Variants in CHN2 observed in about 807,000 individuals in gnomAD.
The protein encoded by CHN2 is beta-chimaerin.
Under a neutral mutation model 56.3 loss-of-function variants are expected in CHN2, and 35 were observed. The observed-to-expected ratio is 0.62, with a 90% CI of 0.47 to 0.82. The LOEUF (loss-of-function observed/expected upper bound fraction) is 0.82, where lower values mean the gene tolerates loss of function less well. CHN2 is among the 40% of genes least tolerant of loss of function. CHN2 has a pLI of 0.00. For missense variants in CHN2, 491 were observed against 580.5 expected (o/e 0.85, Z 1.58); for synonymous variants, 210 against 212.8 (o/e 0.99, Z 0.12).
rs142934090 is a variant in CHN2, at chr7:29,456,214, G to A, written c.577-24065G>A. On this transcript the variant is annotated intron_variant, in intron 6 of 12. Transcript: ENST00000222792. Reference sequence around the variant, plus strand: ...GTACCTCCCATCTGCTCCTCTGAACGTATTGCTTCTTTCACCCTGCCCCTG... The same window carrying A: ...GTACCTCCCATCTGCTCCTCTGAACATATTGCTTCTTTCACCCTGCCCCTG... Among the ~76,000 whole-genome samples, 23 of 152,192 alleles carry A rather than the reference G, an allele frequency of 1.5e-4. No individual in the cohort carries two copies. The East Asian group carries it at 2.7e-3, about 18-fold the overall frequency.
chr7:29,283,763 C>T (rs981717087), intron 1 of CHN2, among the ~76,000 whole-genome samples: 2 of 151,498 alleles, frequency 1.3e-5, no homozygotes, highest in South Asian at 4.2e-4. Context: ...AGACTAAAGG[C>T]ATGCACCACC....
At chr7:29,460,924 G>C (rs1464399156) in intron 6 of CHN2, among the ~76,000 whole-genome samples, 1 of 152,220 alleles carries the variant, frequency 6.6e-6, no homozygotes, top group East Asian at 1.9e-4. Context: ...TGTAAGATGA[G>C]AGGGTTGCTT....
chr7:29,452,393 G>A (rs1230327920), intron 6 of CHN2, among the ~76,000 whole-genome samples: 2 of 152,154 alleles, frequency 1.3e-5, no homozygotes. Flanking sequence ...AGGCAGAGCC[G>A]GCACCTGAGA....
intron 2 of CHN2, among the ~76,000 whole-genome samples, chr7:29,182,731 G>A (rs1798215582): frequency 6.6e-6 from 1 of 152,220 alleles, no homozygotes; most frequent in South Asian, 2.1e-4. Flanking sequence ...AAGAGGGTCT[G>A]AAGCATTAAG....
At chr7:29,428,196 G>A (rs769961971) in intron 6 of CHN2, among the ~76,000 whole-genome samples, 1 of 152,178 alleles carries the variant, frequency 6.6e-6, no homozygotes, top group Non-Finnish European at 1.5e-5. Context: ...TGGCAGGATT[G>A]TTGAGAGGAG....
intron 1 of CHN2, among the ~76,000 whole-genome samples, chr7:29,331,161 A>G (rs769061332): frequency 6.6e-6 from 1 of 152,226 alleles, no homozygotes; most frequent in African/African-American, 2.4e-5. Context: ...AGCCTTTGCT[A>G]TGGTCTAGGG....
At chr7:29,209,327 G>A (rs1303504595) in intron 1 of CHN2, among the ~76,000 whole-genome samples, 2 of 152,062 alleles carry the variant, frequency 1.3e-5, no homozygotes, top group Non-Finnish European at 2.9e-5. Flanking sequence ...AAGACGCATG[G>A]CCTCTCATAG....
chr7:29,240,540 T>C (rs541650535), intron 1 of CHN2, among the ~76,000 whole-genome samples: 38 of 152,344 alleles, frequency 2.5e-4, no homozygotes, highest in African/African-American at 8.4e-4. Context: ...ATTGAATACC[T>C]GCTAGGGACC....
chr7:29,413,506 C>T (rs927663915), intron 6 of CHN2, among the ~76,000 whole-genome samples: 1 of 152,214 alleles, frequency 6.6e-6, no homozygotes, highest in African/African-American at 2.4e-5. Context: ...GTTACAATTA[C>T]TCCCCCTAGA....
At chr7:29,174,374 C>G (rs998290373) in intron 2 of CHN2, among the ~76,000 whole-genome samples, 1 of 152,116 alleles carries the variant, frequency 6.6e-6, no homozygotes, top group Non-Finnish European at 1.5e-5. Context: ...TGAGGAGAGA[C>G]AGTAAAGCTT....
chr7:29,151,462 G>T lies in CHN2; in HGVS notation c.274+4502G>T, dbSNP rs75842252. Among the ~76,000 whole-genome samples, 654 of 152,278 alleles carry T rather than the reference G, an allele frequency of 4.3e-3. 6 individuals are homozygous for T. The highest frequency in any genetic ancestry group is 0.015 in the African/African-American group (615 of 41,566). On this transcript the variant is annotated intron_variant, in intron 2 of 6. Transcript: ENST00000439384. Reference sequence around the variant, plus strand: ...GCAAATAAGACTTCGGTGATTTAAGGATAAATTATGGGATTAATATAGACA... The same window carrying T: ...GCAAATAAGACTTCGGTGATTTAAGTATAAATTATGGGATTAATATAGACA...
chr7:29,185,729 AC>A (rs1216139561), intron 2 of CHN2: 1 of 152,014 alleles, frequency 6.6e-6, no homozygotes, highest in African/African-American at 2.4e-5. Context: ...TCTCATATAT[AC>A]CCCGAGTTGC....
At chr7:29,504,125 A>G (rs1790284949) in intron 9 of CHN2, among the ~76,000 whole-genome samples, 1 of 152,228 alleles carries the variant, frequency 6.6e-6, no homozygotes, top group South Asian at 2.1e-4. Context: ...TTTACAAGTA[A>G]ACATGAAAGG....
chr7:29,440,610 A>C (rs1162300640), intron 6 of CHN2, among the ~76,000 whole-genome samples: 1 of 145,742 alleles, frequency 6.9e-6, no homozygotes, highest in African/African-American at 2.5e-5. Flanking sequence ...TCTTGAACCC[A>C]GGAGGCAGAG....
At chr7:29,463,398 T>G (rs1785315772) in intron 6 of CHN2, among the ~76,000 whole-genome samples, 1 of 151,930 alleles carries the variant, frequency 6.6e-6, no homozygotes, top group Non-Finnish European at 1.5e-5. Flanking sequence ...ACCACACAAG[T>G]ATGCCCAAAG....
intron 3 of CHN2, among the ~76,000 whole-genome samples, chr7:29,388,107 A>G (rs775485862): frequency 1.1e-4 from 16 of 152,170 alleles, no homozygotes; most frequent in Non-Finnish European, 2.2e-4. Context: ...TTTCTGTGTA[A>G]AGTAATGGAA....
intron 3 of CHN2, among the ~76,000 whole-genome samples, chr7:29,381,174 G>T (rs1049463843): frequency 6.6e-6 from 1 of 152,150 alleles, no homozygotes; most frequent in African/African-American, 2.4e-5. Flanking sequence ...GTGTGGACAA[G>T]TCAGCCCATC....
Position 29,400,556 on chromosome 7 carries a change from AC to A in CHN2, c.306del (p.Leu103Ter). 1 of 1,613,990 alleles carries A rather than the reference AC, an allele frequency of 6.2e-7. No homozygotes were observed. The highest frequency in any genetic ancestry group is 8.5e-7 in the Non-Finnish European group (1 of 1,179,958). ...TCTCACGGGCAGGTTTGGAAACCAG[AC>A]CTTAAACTACAGGCTCTTCCACGAC... ...YTLALRFGNQ[T>X]LNYRLFHDGK... On this transcript the variant is annotated frameshift_variant, in exon 6 of 13. Transcript: ENST00000222792. LOFTEE classifies it high-confidence loss of function.
At chr7:29,425,004 A>G (rs751483707) in intron 6 of CHN2, among the ~76,000 whole-genome samples, 2 of 152,238 alleles carry the variant, frequency 1.3e-5, no homozygotes, top group African/African-American at 2.4e-5. Flanking sequence ...TTGCACCTGC[A>G]TCAAGAGATT....
Sources: gnomAD v4.1 joint callset for allele counts (sites outside exome capture counted in the v4.1 genomes callset) on GRCh38, gnomAD v4.1.1 for gene constraint, MANE v1.5 for transcripts, NCBI Gene and HGNC (gene_info 2026-07-23, HGNC 2026-07-21) for gene names.